The following B3GALT5 variants were observed in gnomAD, a reference collection of about 807,000 sequenced individuals.
B3GALT5 encodes UDP-Gal:betaGlcNAc beta 1,3-galactosyltransferase, polypeptide 5.
For synonymous variants in B3GALT5, 156 were observed against 158.6 expected, an observed-to-expected ratio of 0.98 and a Z score of 0.12; for missense variants, 328 against 396.6, an observed-to-expected ratio of 0.83 and a Z score of 1.47.
At chr21:39,637,305 G>A (rs2079235206) in intron 1 of B3GALT5, among the ~76,000 whole-genome samples, 1 of 152,204 alleles carries the variant, frequency 6.6e-6, no homozygotes. Flanking sequence ...ACTCTGATGG[G>A]CATTACAGGG....
Position 39,661,604 on chromosome 21 carries a change from C to G in B3GALT5, c.*112C>G. ...GGATGCTGTTCTTCAGTGCTGAAAT[C>G]CACGCCAGAATGTCGGTGTTCATGA... On this transcript the variant is annotated 3_prime_UTR_variant, in exon 4 of 4. Coordinates refer to ENST00000684187, the MANE Select transcript of B3GALT5 (RefSeq NM_001356336.2). The surrounding 1 kb of genome is among the most constrained non-coding windows in gnomAD (Gnocchi z 4.7). 1 of 1,044,684 alleles carries G rather than the reference C, an allele frequency of 9.6e-7. No individual in the cohort carries two copies. The highest frequency in any genetic ancestry group is 1.3e-6 in the Non-Finnish European group (1 of 764,346). The allele number at this position is 1,044,684 out of a possible 1,614,324, so 64.7% of individuals were successfully genotyped here. A position where few individuals can be genotyped will look rare whatever the true frequency, so the allele number is the denominator to read the frequency against.
chr21:39,631,668 A>C (rs2079192615), intron 1 of B3GALT5, among the ~76,000 whole-genome samples: 1 of 152,214 alleles, frequency 6.6e-6, no homozygotes, highest in South Asian at 2.1e-4. Context: ...CTATGATGTG[A>C]CATGCATGAG....
chr21:39,629,894 A>G (rs1185406866), intron 1 of B3GALT5, among the ~76,000 whole-genome samples: 2 of 152,258 alleles, frequency 1.3e-5, no homozygotes, highest in South Asian at 2.1e-4. Flanking sequence ...AAGCACATAT[A>G]GTTATAATAC....
At chr21:39,640,271 G>T (rs536559330) in intron 1 of B3GALT5, among the ~76,000 whole-genome samples, 1 of 152,138 alleles carries the variant, frequency 6.6e-6, no homozygotes, top group Non-Finnish European at 1.5e-5. Context: ...GGTGGTGGGC[G>T]GTGTCTTGTG....
chr21:39,661,725 G>C lies in B3GALT5; in HGVS notation c.*233G>C, dbSNP rs920507845. ...ATACTAAGTGTTTGACATACACCTG[G>C]ATTTTTGCATTTCAGGGGTCAGTAT... On this transcript the variant is annotated 3_prime_UTR_variant, in exon 4 of 4. Transcript: ENST00000684187. This position sits in a 1 kb window ranked among gnomAD's most constrained non-coding sequence, Gnocchi z 4.7. 6 of 418,372 alleles carry C rather than the reference G, an allele frequency of 1.4e-5. No individual in the cohort carries two copies. The highest frequency in any genetic ancestry group is 6.1e-5 in the African/African-American group (3 of 49,142). The allele number at this position is 418,372 out of a possible 1,614,324, so 25.9% of individuals were successfully genotyped here. A position where few individuals can be genotyped will look rare whatever the true frequency, so the allele number is the denominator to read the frequency against.
In B3GALT5 at chr21:39,668,893, G is replaced by A. The variant is rs557200931; in HGVS notation, c.*7401G>A. The A allele has an allele frequency of 3.9e-5, 6 of 152,368 alleles. No homozygotes were observed. The highest frequency in any genetic ancestry group is 1.4e-4 in the African/African-American group (6 of 41,586). 9.4% of individuals were successfully genotyped at this position (152,368 alleles called of 1,614,324 possible). On this transcript the variant is annotated 3_prime_UTR_variant, in exon 4 of 4. Coordinates refer to ENST00000684187, the MANE Select transcript of B3GALT5 (RefSeq NM_001356336.2). The stretch of plus-strand genomic sequence containing the variant: ...TCATGTGGGTTAAATGAGAGGATGA[G>A]TATAAACTGCTCAACATCCCATGGT...
At chr21:39,637,670 T>G (rs1011397935) in intron 1 of B3GALT5, among the ~76,000 whole-genome samples, 4 of 152,194 alleles carry the variant, frequency 2.6e-5, no homozygotes, top group African/African-American at 9.7e-5. Flanking sequence ...CAAAGGCCAT[T>G]GATTGATTAA....
chr21:39,657,933 C>G, intron 2 of B3GALT5: 2 of 1,230,198 alleles, frequency 1.6e-6, no homozygotes, highest in Non-Finnish European at 2.0e-6. Flanking sequence ...GTTCATGGCT[C>G]TGTCCCAGGT....
intron 2 of B3GALT5, chr21:39,657,703 A>G: frequency 2.2e-6 from 1 of 444,470 alleles, no homozygotes; most frequent in East Asian, 3.6e-5. Context: ...CGACTTACCT[A>G]CCTACCTGCC....
chr21:39,639,335 TTTCTTTC>T (rs2079258433), intron 1 of B3GALT5, among the ~76,000 whole-genome samples: 1 of 118,306 alleles, frequency 8.5e-6, no homozygotes, highest in Non-Finnish European at 1.8e-5. Context: ...TCTTTCTTTC[TTTCTTTC>T]TTTCTTTCCT....
At position 39,669,907 on chromosome 21, in the gene B3GALT5, C is replaced by T. The variant is rs2079612346; in HGVS notation, c.*8415C>T. 1 of 152,296 alleles carries T rather than the reference C, an allele frequency of 6.6e-6. No homozygotes were observed. The highest frequency in any genetic ancestry group is 6.5e-5 in the Admixed American group (1 of 15,282). 9.4% of individuals were successfully genotyped at this position (152,296 alleles called of 1,614,324 possible). A position where few individuals can be genotyped will look rare whatever the true frequency, so the allele number is the denominator to read the frequency against. On this transcript the variant is annotated 3_prime_UTR_variant, in exon 4 of 4. Coordinates refer to ENST00000684187, the MANE Select transcript of B3GALT5 (RefSeq NM_001356336.2). ...AGGAGTGTGCCACCTGACCCCTTTT[C>T]CTGTCTTCTGTCACTTTTTTTTTTC...
At position 39,669,541 on chromosome 21, in the gene B3GALT5, A is replaced by G. The variant is rs1454870899; in HGVS notation, c.*8049A>G. On this transcript the variant is annotated 3_prime_UTR_variant, in exon 4 of 4. Transcript: ENST00000684187. The stretch of plus-strand genomic sequence containing the variant: ...GTAAATACACAATGCTGAGAAGATT[A>G]TCAGGGGCACCTGATCCCTTGACAG... 6.6e-6 allele frequency: 1 copy of G among 152,146 alleles called. No individual in the cohort carries two copies. The highest frequency in any genetic ancestry group is 1.5e-5 in the Non-Finnish European group (1 of 68,024). 9.4% of individuals were successfully genotyped at this position (152,146 alleles called of 1,614,324 possible).
At position 39,665,370 on chromosome 21, in the gene B3GALT5, G is replaced by A. The variant is rs766690190; in HGVS notation, c.*3878G>A. 1 of 152,220 alleles carries A rather than the reference G, an allele frequency of 6.6e-6. No homozygotes were observed. Among genetic ancestry groups the A allele is most frequent in the Non-Finnish European group, 1.5e-5 (1 of 68,118 alleles). The allele number at this position is 152,220 out of a possible 1,614,324, so 9.4% of individuals were successfully genotyped here. On this transcript the variant is annotated 3_prime_UTR_variant, in exon 4 of 4. Transcript: ENST00000684187. Reference sequence around the variant, plus strand: ...CTCAGCTTCCATTATTGCATCCTTTGGTCTCTTCCCAGCAGCATCCAGAGT... The same window carrying A: ...CTCAGCTTCCATTATTGCATCCTTTAGTCTCTTCCCAGCAGCATCCAGAGT...
Position 39,667,333 on chromosome 21 carries a change from A to G in B3GALT5, c.*5841A>G, listed in dbSNP as rs1334618285. ...GGGCTGAAATGGACTTGGAAAGCCA[A>G]ATAATTAATTTTCATGCGAGTTTTT... is the stretch of plus-strand genomic sequence containing the variant. On this transcript the variant is annotated 3_prime_UTR_variant, in exon 4 of 4. Transcript: ENST00000684187. 1 of 152,228 alleles carries G rather than the reference A, an allele frequency of 6.6e-6. No individual in the cohort carries two copies. Among genetic ancestry groups the G allele is most frequent in the Non-Finnish European group, 1.5e-5 (1 of 68,038 alleles). 9.4% of individuals were successfully genotyped at this position (152,228 alleles called of 1,614,324 possible).
At chr21:39,619,791 AT>A (rs376221748) in intron 1 of B3GALT5, among the ~76,000 whole-genome samples, 4 of 152,032 alleles carry the variant, frequency 2.6e-5, no homozygotes, top group African/African-American at 9.6e-5. Flanking sequence ...CTTTTCAGCC[AT>A]TCTTTTTCTT....
chr21:39,653,412 AAAT>A (rs2079413473), intron 2 of B3GALT5, among the ~76,000 whole-genome samples: 1 of 152,146 alleles, frequency 6.6e-6, no homozygotes, highest in East Asian at 1.9e-4. Flanking sequence ...TGGGCCCTCT[AAAT>A]ATTTTCCCTT....
rs763968400 is a variant in B3GALT5, at chr21:39,617,805, A to G, written c.-392+4738A>G. ...GTTAGCGTAGTTTATGTGTGGCCCA[A>G]GACAATTCTTCTTCTAATGTGGCCC... On this transcript the variant is annotated intron_variant, in intron 1 of 3. Coordinates refer to ENST00000684187, the MANE Select transcript of B3GALT5 (RefSeq NM_001356336.2). Among the ~76,000 whole-genome samples the G allele has an allele frequency of 1.1e-4, 16 of 152,130 alleles. 1 individual carries two copies. Among genetic ancestry groups the G allele is most frequent in the Non-Finnish European group, 2.1e-4 (14 of 68,030 alleles).
At chr21:39,613,091 G>T in intron 1 of B3GALT5, 24 bp downstream of exon 1, 1 of 149,002 alleles carries the variant, frequency 6.7e-6, no homozygotes, top group South Asian at 1.8e-4. Flanking sequence ...CTGGGGCGCG[G>T]GGCGCGGGGA....
chr21:39,643,213 C>G (rs1051593875), intron 1 of B3GALT5, among the ~76,000 whole-genome samples: 1 of 151,952 alleles, frequency 6.6e-6, no homozygotes, highest in Non-Finnish European at 1.5e-5. Context: ...AGATGGGCAG[C>G]ATCGCAGGAT....
Sources: allele counts gnomAD v4.1 joint callset (sites outside exome capture counted in the v4.1 genomes callset), GRCh38; gene constraint gnomAD v4.1.1; non-coding constraint Gnocchi (gnomAD v3.1); transcripts MANE v1.5; gene names NCBI Gene and HGNC (gene_info 2026-07-23, HGNC 2026-07-21).